Variants in ZFP91 observed in about 807,000 individuals in gnomAD.
The protein encoded by ZFP91 is ZFP91 zinc finger protein, atypical E3 ubiquitin ligase.
ZFP91 carries 7 observed loss-of-function variants against 63.5 expected under a neutral mutation model. The ratio of observed to expected loss-of-function variants is 0.11; its 90% CI spans 0.06 to 0.21. ZFP91 has a LOEUF of 0.21. Ranked by LOEUF, ZFP91 falls within the 10% of genes least tolerant of loss-of-function variation. The pLI is 1.00. For missense variants in ZFP91, 628 were observed against 736.6 expected, an observed-to-expected ratio of 0.85 and a Z score of 1.71; for synonymous variants, 330 against 272.1, an observed-to-expected ratio of 1.21 and a Z score of -2.10.
At chr11:58,611,361 C>A in intron 5 of ZFP91, 1 of 519,608 alleles carries the variant, frequency 1.9e-6, no homozygotes, top group Non-Finnish European at 3.3e-6. Flanking sequence ...TTTCTCTTTA[C>A]AATTATAGTG....
intron 1 of ZFP91, among the ~76,000 whole-genome samples, chr11:58,583,254 T>C (rs1855148881): frequency 6.6e-6 from 1 of 152,148 alleles, no homozygotes; most frequent in South Asian, 2.1e-4. Flanking sequence ...CTTAAAACTT[T>C]AGGGACAAAT....
intron 2 of ZFP91, among the ~76,000 whole-genome samples, chr11:58,596,679 C>A (rs528680403): frequency 2.7e-5 from 4 of 150,732 alleles, no homozygotes; most frequent in Non-Finnish European, 4.4e-5. Context: ...TTAAAGGCTT[C>A]ACCATCACCA....
At chr11:58,596,796 A>G (rs1284618063) in intron 2 of ZFP91, among the ~76,000 whole-genome samples, 1 of 151,736 alleles carries the variant, frequency 6.6e-6, no homozygotes, top group Non-Finnish European at 1.5e-5. Context: ...ACATCTGGAC[A>G]CAATTTTCTC....
rs1162434503 is a variant in ZFP91, at chr11:58,618,178, T to C, written c.*472T>C. 4 of 158,456 alleles carry C rather than the reference T, an allele frequency of 2.5e-5. No homozygotes were observed. Among genetic ancestry groups the C allele is most frequent in the Non-Finnish European group, 4.2e-5 (3 of 72,240 alleles). 9.8% of individuals were successfully genotyped at this position (158,456 alleles called of 1,614,324 possible). ...ACACTTATCTTCAAATACCATAGAA[T>C]TCTAATCTCTGGAGGCTGGCAGCTT... On this transcript the variant is annotated 3_prime_UTR_variant, in exon 11 of 11. Coordinates refer to ENST00000316059, the MANE Select transcript of ZFP91 (RefSeq NM_053023.5).
intron 2 of ZFP91, among the ~76,000 whole-genome samples, chr11:58,599,529 A>T (rs1180813927): frequency 6.6e-6 from 1 of 151,924 alleles, no homozygotes; most frequent in Non-Finnish European, 1.5e-5. Flanking sequence ...ATTTTTAGTT[A>T]GCCATTGTAG....
chr11:58,617,742 C>A lies in ZFP91; in HGVS notation c.*36C>A. 1 of 1,447,050 alleles carries A rather than the reference C, an allele frequency of 6.9e-7. No individual in the cohort carries two copies. The highest frequency in any genetic ancestry group is 9.1e-7 in the Non-Finnish European group (1 of 1,101,086). 89.6% of individuals were successfully genotyped at this position (1,447,050 alleles called of 1,614,324 possible). A position where few individuals can be genotyped will look rare whatever the true frequency, so the allele number is the denominator to read the frequency against. On this transcript the variant is annotated 3_prime_UTR_variant, in exon 11 of 11. Transcript: ENST00000316059. The surrounding 1 kb of genome is among the most constrained non-coding windows in gnomAD (Gnocchi z 4.2). ...GACTTGGGGCATGGGACAGCTCAGA[C>A]TTTGTATTTAAAAGTTAAAAAGGAC...
intron 1 of ZFP91, among the ~76,000 whole-genome samples, chr11:58,580,683 CTG>C (rs1855098043): frequency 6.6e-6 from 1 of 152,168 alleles, no homozygotes; most frequent in Admixed American, 6.5e-5. Flanking sequence ...AGAGTTAAGC[CTG>C]TGTCTTGGCA....
At chr11:58,592,663 G>A (rs1278830421) in intron 2 of ZFP91, among the ~76,000 whole-genome samples, 1 of 152,176 alleles carries the variant, frequency 6.6e-6, no homozygotes, top group African/African-American at 2.4e-5. Flanking sequence ...TGGGGGGTTA[G>A]GAGGTGGAAT....
intron 4 of ZFP91, 135 bp downstream of exon 4, chr11:58,610,469 T>G: frequency 1.3e-6 from 1 of 770,140 alleles, no homozygotes; most frequent in Non-Finnish European, 2.0e-6. Flanking sequence ...GATACTGCAT[T>G]TAGATTCCAT....
chr11:58,580,962 G>T (rs1442950567), intron 1 of ZFP91, among the ~76,000 whole-genome samples: 1 of 152,158 alleles, frequency 6.6e-6, no homozygotes, highest in East Asian at 1.9e-4. Flanking sequence ...AAAGATACAT[G>T]TATATCATTG....
At chr11:58,584,637 A>G (rs1855173688) in intron 1 of ZFP91, among the ~76,000 whole-genome samples, 1 of 152,136 alleles carries the variant, frequency 6.6e-6, no homozygotes, top group African/African-American at 2.4e-5. Context: ...TTAAAAATTC[A>G]GTTTCACAAT....
In ZFP91 at chr11:58,618,735, C is replaced by T; in HGVS notation, c.*1029C>T. On this transcript the variant is annotated 3_prime_UTR_variant, in exon 11 of 11. Transcript: ENST00000316059. Reference sequence around the variant, plus strand: ...CTCTGAAATCATAGCTCTCCAGTGGCTTTTAAAGAAAGCTGGTCCTCAGCA... The same window carrying T: ...CTCTGAAATCATAGCTCTCCAGTGGTTTTTAAAGAAAGCTGGTCCTCAGCA... 2.2e-6 allele frequency: 1 copy of T among 455,464 alleles called. No individual in the cohort carries two copies. The allele number at this position is 455,464 out of a possible 1,614,324, so 28.2% of individuals were successfully genotyped here.
rs557105778 is a variant in ZFP91, at chr11:58,611,254, T to G, written c.722+200T>G. 744 of 496,658 alleles carry G rather than the reference T, an allele frequency of 1.5e-3. 1 individual carries two copies. Among genetic ancestry groups the G allele is most frequent in the Non-Finnish European group, 2.2e-3 (634 of 291,370 alleles). The allele number at this position is 496,658 out of a possible 1,614,324, so 30.8% of individuals were successfully genotyped here. A position where few individuals can be genotyped will look rare whatever the true frequency, so the allele number is the denominator to read the frequency against. ...CTCTTTCCCATTTGTAGAACTTTAT[T>G]TTGATTATATACAAGTTTTTATGAG... On this transcript the variant is annotated intron_variant, in intron 5 of 10. Coordinates refer to ENST00000316059, the MANE Select transcript of ZFP91 (RefSeq NM_053023.5).
intron 2 of ZFP91, among the ~76,000 whole-genome samples, chr11:58,605,082 A>T: frequency 6.6e-6 from 1 of 150,954 alleles, no homozygotes. Flanking sequence ...TTCTCTTTTC[A>T]TTTTCTGTAT....
At chr11:58,611,893 C>G (rs559434157) in intron 6 of ZFP91, 155 bp downstream of exon 6, 17 of 765,870 alleles carry the variant, frequency 2.2e-5, no homozygotes, top group Non-Finnish European at 3.2e-5. Flanking sequence ...CTGACAATTT[C>G]ACTGGAGAGA....
intron 2 of ZFP91, among the ~76,000 whole-genome samples, chr11:58,604,843 C>A (rs1233107467): frequency 1.3e-5 from 2 of 152,168 alleles, no homozygotes; most frequent in African/African-American, 4.8e-5. Flanking sequence ...GATTGGACAA[C>A]CAGGTCTAAC....
In ZFP91 at chr11:58,593,227, A is replaced by G. The variant is rs17152756; in HGVS notation, c.370+8343A>G. ...CAGTTGCTAAGTTGGTGTGTGTTCT[A>G]TTGTTTTGAATGAAACTCTAAGTTT... On this transcript the variant is annotated intron_variant, in intron 2 of 10. Transcript: ENST00000316059. 9.5e-3 allele frequency among the ~76,000 whole-genome samples: 1,453 copies of G among 152,308 alleles called. 52 individuals carry two copies. Among genetic ancestry groups the G allele is most frequent in the Admixed American group, 0.075 (1,143 of 15,294 alleles).
At position 58,610,348 on chromosome 11, in the gene ZFP91, T is replaced by G. The variant is rs1190580616; in HGVS notation, c.617+14T>G. On this transcript the variant is annotated intron_variant, in intron 4 of 10. Coordinates refer to ENST00000316059, the MANE Select transcript of ZFP91 (RefSeq NM_053023.5). ...AGGTGGCATTAGGTAAAAAAAACATTAATATTTCATTTTTAAACCTTTGGG... is the reference window on the plus strand; with the variant it reads ...AGGTGGCATTAGGTAAAAAAAACATGAATATTTCATTTTTAAACCTTTGGG... The G allele has an allele frequency of 6.3e-7, 1 of 1,580,366 alleles. No homozygotes were observed. Among genetic ancestry groups the G allele is most frequent in the Non-Finnish European group, 8.6e-7 (1 of 1,168,844 alleles).
chr11:58,617,829 T>G lies in ZFP91; in HGVS notation c.*123T>G, dbSNP rs1445090019. 5.2e-6 allele frequency: 7 copies of G among 1,351,360 alleles called. No homozygotes were observed. In the South Asian group the frequency reaches 1.1e-4, roughly 22 times the overall value. 83.7% of individuals were successfully genotyped at this position (1,351,360 alleles called of 1,614,324 possible). A position where few individuals can be genotyped will look rare whatever the true frequency, so the allele number is the denominator to read the frequency against. ...TAACTGAAGGGCCTGCTCTTTCCAT[T>G]GTGGATCACAGCACACACATACATA... On this transcript the variant is annotated 3_prime_UTR_variant, in exon 11 of 11. Transcript: ENST00000316059. This position sits in a 1 kb window ranked among gnomAD's most constrained non-coding sequence, Gnocchi z 4.2.
Sources: gnomAD v4.1 joint callset for allele counts (sites outside exome capture counted in the v4.1 genomes callset) on GRCh38, gnomAD v4.1.1 for gene constraint, Gnocchi (gnomAD v3.1) non-coding constraint, MANE v1.5 for transcripts, NCBI Gene and HGNC (gene_info 2026-07-23, HGNC 2026-07-21) for gene names.